VWC2L: variants seen among roughly 807,000 people sequenced by gnomAD.
VWC2L encodes von Willebrand factor C domain-containing protein 2-like.
VWC2L carries 10 observed loss-of-function variants against 21.6 expected under a neutral mutation model. That is an observed-to-expected ratio of 0.46 (90% CI 0.29 to 0.78). The LOEUF (loss-of-function observed/expected upper bound fraction) is 0.78, where lower values mean the gene tolerates loss of function less well. Ranked by LOEUF, VWC2L falls within the 30% of genes least tolerant of loss-of-function variation. The pLI is 0.10. For synonymous variants in VWC2L, 96 were observed against 94.3 expected, an observed-to-expected ratio of 1.02 and a Z score of -0.10; for missense variants, 209 against 277.1, an observed-to-expected ratio of 0.75 and a Z score of 1.74.
chr2:214,502,201 G>A (rs78391773), intron 3 of VWC2L, among the ~76,000 whole-genome samples: 1,974 of 151,940 alleles, frequency 0.013, 26 homozygotes, highest in African/African-American at 0.031. Flanking sequence ...TGAAATATTC[G>A]CATGTTCTCA....
intron 2 of VWC2L, among the ~76,000 whole-genome samples, chr2:214,429,739 G>T (rs1043855688): frequency 6.6e-6 from 1 of 151,918 alleles, no homozygotes; most frequent in Non-Finnish European, 1.5e-5. Context: ...GTTGGTATAG[G>T]CAGAAAATTA....
intron 3 of VWC2L, among the ~76,000 whole-genome samples, chr2:214,570,123 G>A (rs1278804415): frequency 6.6e-6 from 1 of 152,084 alleles, no homozygotes; most frequent in East Asian, 1.9e-4. Flanking sequence ...TACACTGGAA[G>A]GTGCTTTATG....
At chr2:214,516,443 C>T (rs1221733112) in intron 3 of VWC2L, among the ~76,000 whole-genome samples, 2 of 152,114 alleles carry the variant, frequency 1.3e-5, no homozygotes, top group Non-Finnish European at 2.9e-5. Context: ...GTAAGGGCTA[C>T]ACCAGCACGC....
In VWC2L at chr2:214,506,421, C is replaced by T. The variant is rs189507355; in HGVS notation, c.521-69251C>T. On this transcript the variant is annotated intron_variant, in intron 3 of 3. Coordinates refer to ENST00000312504, the MANE Select transcript of VWC2L (RefSeq NM_001080500.4). The stretch of plus-strand genomic sequence containing the variant: ...ATTGAGATTTGTATTTCTCCTATAC[C>T]CTTAACTCCTATATCATTATTAAGA... Among the ~76,000 whole-genome samples, 64 of 152,070 alleles carry T rather than the reference C, an allele frequency of 4.2e-4. 2 individuals are homozygous for T. The highest frequency in any genetic ancestry group is 6.8e-3 in the Middle Eastern group (2 of 294).
intron 3 of VWC2L, among the ~76,000 whole-genome samples, chr2:214,555,072 A>G (rs940677963): frequency 2.6e-5 from 4 of 152,232 alleles, no homozygotes; most frequent in Non-Finnish European, 4.4e-5. Flanking sequence ...GCTACATAAC[A>G]AGAACCTTGG....
chr2:214,573,928 G>A (rs181477099), intron 3 of VWC2L, among the ~76,000 whole-genome samples: 3 of 152,288 alleles, frequency 2.0e-5, no homozygotes, highest in Non-Finnish European at 4.4e-5. Flanking sequence ...ATCGCCTGAG[G>A]TCAGGAATTC....
At chr2:214,477,632 A>G (rs1688543637) in intron 3 of VWC2L, among the ~76,000 whole-genome samples, 3 of 152,266 alleles carry the variant, frequency 2.0e-5, no homozygotes, top group Non-Finnish European at 4.4e-5. Context: ...TTCCCATTTT[A>G]TAGCTGAAGA....
chr2:214,481,940 A>G (rs1015208023), intron 3 of VWC2L, among the ~76,000 whole-genome samples: 2 of 152,202 alleles, frequency 1.3e-5, no homozygotes, highest in African/African-American at 2.4e-5. Context: ...ACAGGGGAAA[A>G]GAAATGTTCA....
At chr2:214,418,760 C>G (rs1184948201) in intron 2 of VWC2L, among the ~76,000 whole-genome samples, 1 of 152,090 alleles carries the variant, frequency 6.6e-6, no homozygotes, top group Non-Finnish European at 1.5e-5. Flanking sequence ...ATGTGTTGAT[C>G]TCTTCATTTT....
chr2:214,422,962 G>T (rs1329115848), intron 2 of VWC2L, among the ~76,000 whole-genome samples: 1 of 152,002 alleles, frequency 6.6e-6, no homozygotes, highest in African/African-American at 2.4e-5. Context: ...TCTGGCTACA[G>T]AATTGATACA....
intron 3 of VWC2L, among the ~76,000 whole-genome samples, chr2:214,450,826 A>G (rs1329168928): frequency 2.0e-5 from 3 of 152,194 alleles, no homozygotes; most frequent in East Asian, 3.8e-4. Flanking sequence ...GATGATTAAT[A>G]TAACTACTAA....
At chr2:214,448,044 G>T (rs1702866189) in intron 3 of VWC2L, among the ~76,000 whole-genome samples, 2 of 152,026 alleles carry the variant, frequency 1.3e-5, no homozygotes, top group African/African-American at 4.8e-5. Flanking sequence ...TATGAGCTAT[G>T]AGTTAACAAC....
At chr2:214,539,240 T>C (rs1428795251) in intron 3 of VWC2L, among the ~76,000 whole-genome samples, 5 of 152,272 alleles carry the variant, frequency 3.3e-5, no homozygotes, top group Non-Finnish European at 5.9e-5. Context: ...CAACAACGCA[T>C]AACCCAATTG....
At chr2:214,505,381 A>G (rs1688953710) in intron 3 of VWC2L, among the ~76,000 whole-genome samples, 1 of 151,930 alleles carries the variant, frequency 6.6e-6, no homozygotes, top group South Asian at 2.1e-4. Flanking sequence ...CCCCTGTACT[A>G]CTCTATAATT....
chr2:214,416,725 G>A (rs1702362813), intron 2 of VWC2L, among the ~76,000 whole-genome samples: 1 of 152,004 alleles, frequency 6.6e-6, no homozygotes, highest in Non-Finnish European at 1.5e-5. Context: ...ATTTTTGAAT[G>A]GAGTTCTTAA....
intron 3 of VWC2L, among the ~76,000 whole-genome samples, chr2:214,575,082 T>C (rs1690208827): frequency 6.8e-6 from 1 of 148,070 alleles, no homozygotes; most frequent in South Asian, 2.2e-4. Context: ...AGGAAGTCCA[T>C]TTATAAAAAT....
chr2:214,460,400 T>G (rs1703122744), intron 3 of VWC2L, among the ~76,000 whole-genome samples: 1 of 152,016 alleles, frequency 6.6e-6, no homozygotes. Context: ...AAAATTTGAC[T>G]ATCTGGTTGC....
intron 3 of VWC2L, among the ~76,000 whole-genome samples, chr2:214,454,202 T>A (rs1703019534): frequency 6.6e-6 from 1 of 152,160 alleles, no homozygotes; most frequent in Admixed American, 6.6e-5. Context: ...ATTTTCCACA[T>A]AGACAATCAT....
chr2:214,507,391 T>C (rs1246367713), intron 3 of VWC2L, among the ~76,000 whole-genome samples: 1 of 152,236 alleles, frequency 6.6e-6, no homozygotes, highest in Non-Finnish European at 1.5e-5. Context: ...ATTGCATGTA[T>C]AGAATGATCA....
Sources: allele counts gnomAD v4.1 joint callset (sites outside exome capture counted in the v4.1 genomes callset), GRCh38; gene constraint gnomAD v4.1.1; transcripts MANE v1.5; gene names NCBI Gene and HGNC (gene_info 2026-07-23, HGNC 2026-07-21).